TRABD2B: variants seen among roughly 807,000 people sequenced by gnomAD.
TRABD2B encodes the protein metalloprotease TIKI2.
Under a neutral mutation model 40.1 loss-of-function variants are expected in TRABD2B, and 14 were observed. The observed-to-expected ratio is 0.35, with a 90% confidence interval of 0.23 to 0.55. The LOEUF is 0.55. TRABD2B is among the 20% of genes least tolerant of loss of function. TRABD2B has a pLI of 0.90. For synonymous variants in TRABD2B, 263 were observed against 277.0 expected (o/e 0.95, Z 0.50); for missense variants, 541 against 648.6 (o/e 0.83, Z 1.80).
At chr1:47,877,035 C>T (rs1326517118) in intron 2 of TRABD2B, among the ~76,000 whole-genome samples, 2 of 152,076 alleles carry the variant, frequency 1.3e-5, no homozygotes. Flanking sequence ...ATAAACATTG[C>T]AAATTGTGAT....
chr1:47,847,866 T>C (rs906678147), intron 2 of TRABD2B, among the ~76,000 whole-genome samples: 7 of 152,242 alleles, frequency 4.6e-5, no homozygotes, highest in African/African-American at 1.2e-4. Context: ...AGGGCTTTGA[T>C]AGCGCCTCAT....
chr1:47,967,417 C>T (rs1370313653), intron 2 of TRABD2B, among the ~76,000 whole-genome samples: 2 of 151,940 alleles, frequency 1.3e-5, no homozygotes, highest in Non-Finnish European at 2.9e-5. Flanking sequence ...AGCAACTTCC[C>T]GTATCCAGAA....
chr1:47,890,968 C>T (rs56934998), intron 2 of TRABD2B, among the ~76,000 whole-genome samples: 2,851 of 152,248 alleles, frequency 0.019, 94 homozygotes, highest in African/African-American at 0.066. Flanking sequence ...CAACAGCACT[C>T]GCTGGATCCC....
chr1:47,861,729 C>G (rs1643975526), intron 2 of TRABD2B, among the ~76,000 whole-genome samples: 1 of 152,160 alleles, frequency 6.6e-6, no homozygotes. Flanking sequence ...TCCTTCAGAA[C>G]ACAGAAGCAG....
At chr1:47,933,272 A>G (rs1645064662) in intron 2 of TRABD2B, among the ~76,000 whole-genome samples, 1 of 146,522 alleles carries the variant, frequency 6.8e-6, no homozygotes, top group Admixed American at 6.8e-5. Context: ...CGCCTGGCTA[A>G]TTTTTTTTTT....
At chr1:47,835,533 G>C (rs1645306931) in intron 2 of TRABD2B, among the ~76,000 whole-genome samples, 1 of 152,212 alleles carries the variant, frequency 6.6e-6, no homozygotes, top group African/African-American at 2.4e-5. Context: ...AAAGGAGCAA[G>C]AGACAACTGA....
At chr1:47,918,554 T>C (rs900293403) in intron 2 of TRABD2B, among the ~76,000 whole-genome samples, 4 of 152,114 alleles carry the variant, frequency 2.6e-5, no homozygotes, top group Non-Finnish European at 5.9e-5. Flanking sequence ...CATAAAGAAA[T>C]TCTTGTTGAG....
intron 2 of TRABD2B, among the ~76,000 whole-genome samples, chr1:47,877,709 T>C (rs1488611612): frequency 7.9e-5 from 12 of 152,152 alleles, no homozygotes; most frequent in Non-Finnish European, 1.6e-4. Flanking sequence ...AAAAGTCAAT[T>C]ATAGAGAAGT....
At chr1:47,861,876 C>T (rs1274056570) in intron 2 of TRABD2B, among the ~76,000 whole-genome samples, 2 of 152,096 alleles carry the variant, frequency 1.3e-5, no homozygotes, top group Non-Finnish European at 2.9e-5. Flanking sequence ...AAAAGATTAG[C>T]AAATTGAATC....
rs76204303 is a variant in TRABD2B, at chr1:47,925,239, T to C, written c.666+68795A>G. ...GTGTCCTTACACAGTTTCATGAGGATCTTATAGAAAATAGACTTTAAAAAC... is the reference window on the plus strand; with the variant it reads ...GTGTCCTTACACAGTTTCATGAGGACCTTATAGAAAATAGACTTTAAAAAC... On this transcript the variant is annotated intron_variant, in intron 2 of 6. Coordinates refer to ENST00000606738, the MANE Select transcript of TRABD2B (RefSeq NM_001194986.2). Among the ~76,000 whole-genome samples the C allele has an allele frequency of 1.5e-3, 231 of 152,318 alleles. 3 individuals carry two copies. The East Asian group carries it at 0.033, about 22-fold the overall frequency.
intron 2 of TRABD2B, among the ~76,000 whole-genome samples, chr1:47,954,247 T>G (rs980403288): frequency 1.3e-5 from 2 of 152,104 alleles, no homozygotes; most frequent in African/African-American, 4.8e-5. Context: ...CCCTACCACC[T>G]TCCACTCTGA....
chr1:47,850,740 C>T (rs1167721294), intron 2 of TRABD2B, among the ~76,000 whole-genome samples: 1 of 152,176 alleles, frequency 6.6e-6, no homozygotes, highest in African/African-American at 2.4e-5. Flanking sequence ...GCAGGTGGGC[C>T]CCTGCCCACT....
chr1:47,780,891 GC>G (rs2124108067), intron 4 of TRABD2B, among the ~76,000 whole-genome samples: 1 of 152,368 alleles, frequency 6.6e-6, no homozygotes, highest in African/African-American at 2.4e-5. Context: ...CTGCCCCGCA[GC>G]CTGTGATCCT....
At chr1:47,882,866 C>T (rs952851121) in intron 2 of TRABD2B, among the ~76,000 whole-genome samples, 1 of 152,010 alleles carries the variant, frequency 6.6e-6, no homozygotes, top group African/African-American at 2.4e-5. Context: ...GCAAAGCAGA[C>T]GATGCACCCC....
intron 2 of TRABD2B, among the ~76,000 whole-genome samples, chr1:47,983,486 T>TA (rs1208899892): frequency 6.6e-6 from 1 of 151,462 alleles, no homozygotes; most frequent in African/African-American, 2.4e-5. Flanking sequence ...ACCTAAAAGT[T>TA]TAAAAAAAAA....
intron 2 of TRABD2B, 45 bp from the exon 3 acceptor site, chr1:47,801,664 C>G: frequency 6.6e-7 from 1 of 1,526,018 alleles, no homozygotes. Flanking sequence ...GCTCAGGGAC[C>G]CTGGCTGAGC....
intron 2 of TRABD2B, among the ~76,000 whole-genome samples, chr1:47,938,502 G>C (rs943195284): frequency 6.6e-6 from 1 of 152,204 alleles, no homozygotes; most frequent in Non-Finnish European, 1.5e-5. Context: ...GCTCCAACCT[G>C]TCTTCTTTTT....
intron 2 of TRABD2B, among the ~76,000 whole-genome samples, chr1:47,852,743 G>A (rs1441138647): frequency 5.9e-5 from 9 of 152,196 alleles, no homozygotes; most frequent in Non-Finnish European, 7.3e-5. Flanking sequence ...GAAGAAATGG[G>A]GTGGGTGGTG....
chr1:47,874,598 C>A (rs1280477069), intron 2 of TRABD2B, among the ~76,000 whole-genome samples: 2 of 143,760 alleles, frequency 1.4e-5, no homozygotes, highest in African/African-American at 5.2e-5. Context: ...GAGACAAGGT[C>A]TCCCTGTTGC....
Sources: allele counts gnomAD v4.1 joint callset (sites outside exome capture counted in the v4.1 genomes callset), GRCh38; gene constraint gnomAD v4.1.1; transcripts MANE v1.5; gene names NCBI Gene and HGNC (gene_info 2026-07-23, HGNC 2026-07-21).